RRP1B: variants seen among roughly 807,000 people sequenced by gnomAD.
RRP1B encodes ribosomal RNA processing protein 1 homolog B.
RRP1B carries 56 observed loss-of-function variants against 80.2 expected under a neutral mutation model. That is an observed-to-expected ratio of 0.70 (90% CI 0.56 to 0.87). RRP1B has a LOEUF of 0.87. Among genes scored for constraint, RRP1B ranks in the 40% least tolerant of loss-of-function variants. The pLI, the probability that RRP1B is intolerant of heterozygous loss-of-function variation, is 0.00. For missense variants in RRP1B, 807 were observed against 939.8 expected (o/e 0.86, Z 1.85); for synonymous variants, 351 against 357.6 (o/e 0.98, Z 0.21).
intron 5 of RRP1B, 84 bp downstream of exon 5, chr21:43,674,781 A>G (rs920109187): frequency 9.1e-5 from 113 of 1,243,362 alleles, no homozygotes; most frequent in Admixed American, 1.7e-4. Context: ...CTTGTAGAGT[A>G]CCAATGAGAA....
In RRP1B at chr21:43,691,382, AAG is replaced by A. The variant is rs2083085545; in HGVS notation, c.2020-56_2020-55del. ...GCAGGTTCTCCAGAAAAATCTGACTAAGCGCCTCCACTGCACTTGCGTCACTC... is the reference window on the plus strand; with the variant it reads ...GCAGGTTCTCCAGAAAAATCTGACTACGCCTCCACTGCACTTGCGTCACTC... On this transcript the variant is annotated intron_variant, in intron 14 of 15. Transcript: ENST00000340648. The surrounding 1 kb of genome is among the most constrained non-coding windows in gnomAD (Gnocchi z 4.2). 1 of 1,549,098 alleles carries A rather than the reference AAG, an allele frequency of 6.5e-7. No individual in the cohort carries two copies. Among genetic ancestry groups the A allele is most frequent in the Non-Finnish European group, 8.9e-7 (1 of 1,123,424 alleles).
rs573312530 is a variant in RRP1B, at chr21:43,691,163, G to A, written c.2020-276G>A. Reference sequence around the variant, plus strand: ...CTGCAGCGGTAATGAGGCAGTGACCGCAGATGGGCCAAGAGTGTGGGCACC... The same window carrying A: ...CTGCAGCGGTAATGAGGCAGTGACCACAGATGGGCCAAGAGTGTGGGCACC... On this transcript the variant is annotated intron_variant, in intron 14 of 15. Coordinates refer to ENST00000340648, the MANE Select transcript of RRP1B (RefSeq NM_015056.3). This position sits in a 1 kb window ranked among gnomAD's most constrained non-coding sequence, Gnocchi z 4.2. Among the ~76,000 whole-genome samples, 4 of 152,190 alleles carry A rather than the reference G, an allele frequency of 2.6e-5. No individual in the cohort carries two copies. Among genetic ancestry groups the A allele is most frequent in the East Asian group, 1.9e-4 (1 of 5,194 alleles).
intron 8 of RRP1B, among the ~76,000 whole-genome samples, chr21:43,679,225 T>TTTTTTTGC (rs1273316763): frequency 6.9e-6 from 1 of 145,080 alleles, no homozygotes; most frequent in African/African-American, 2.8e-5. Flanking sequence ...TGTTTTTTTG[T>TTTTTTTGC]GTGTCTTTTT....
intron 1 of RRP1B, among the ~76,000 whole-genome samples, chr21:43,662,529 A>C (rs2082961745): frequency 6.6e-6 from 1 of 152,252 alleles, no homozygotes; most frequent in Non-Finnish European, 1.5e-5. Context: ...TGTCTTAGGC[A>C]TCATAAAGGA....
At position 43,674,709 on chromosome 21, in the gene RRP1B, A is replaced by T. The variant is rs775463979; in HGVS notation, c.419+12A>T. ...GGCTGGGAAGAAAGGTCAGTAAACC[A>T]TTTGAGTTAGCATGTGGTAGCCTTA... On this transcript the variant is annotated intron_variant, in intron 5 of 15. Coordinates refer to ENST00000340648, the MANE Select transcript of RRP1B (RefSeq NM_015056.3). 61 of 1,601,612 alleles carry T rather than the reference A, an allele frequency of 3.8e-5. No individual in the cohort carries two copies. The highest frequency in any genetic ancestry group is 5.0e-5 in the Non-Finnish European group (59 of 1,175,110).
At chr21:43,686,485 A>G (rs1366113155) in intron 11 of RRP1B, 4 of 266,770 alleles carry the variant, frequency 1.5e-5, no homozygotes, top group African/African-American at 8.6e-5. Flanking sequence ...CATACCCGTC[A>G]TTCACTAGGG....
intron 8 of RRP1B, among the ~76,000 whole-genome samples, chr21:43,681,599 T>G (rs2147171376): frequency 1.3e-5 from 2 of 152,284 alleles, no homozygotes; most frequent in African/African-American, 4.8e-5. Context: ...CCTCCCAAAG[T>G]CTTGGAATTA....
At chr21:43,690,265 C>T in intron 13 of RRP1B, 23 bp from the exon 14 acceptor site, 1 of 1,613,166 alleles carries the variant, frequency 6.2e-7, no homozygotes, top group Non-Finnish European at 8.5e-7. Flanking sequence ...CCCTCCTCCG[C>T]TTCTCACCCC....
At chr21:43,689,207 G>A (rs1362621955) in intron 13 of RRP1B, among the ~76,000 whole-genome samples, 2 of 152,272 alleles carry the variant, frequency 1.3e-5, no homozygotes, top group Non-Finnish European at 2.9e-5. Context: ...TGCAGCGGCA[G>A]AGGGGAGTGG....
intron 1 of RRP1B, among the ~76,000 whole-genome samples, chr21:43,660,324 G>C (rs1395935101): frequency 6.6e-6 from 1 of 152,262 alleles, no homozygotes; most frequent in Non-Finnish European, 1.5e-5. Context: ...AGCACTCTGG[G>C]AAGCCGAGGC....
intron 13 of RRP1B, among the ~76,000 whole-genome samples, chr21:43,688,643 C>A (rs1201571202): frequency 1.3e-5 from 2 of 152,230 alleles, no homozygotes; most frequent in Non-Finnish European, 2.9e-5. Context: ...AATTCTCTTG[C>A]TTCACTCACC....
chr21:43,680,175 T>G (rs1004493827), intron 8 of RRP1B, among the ~76,000 whole-genome samples: 1 of 152,194 alleles, frequency 6.6e-6, no homozygotes, highest in Non-Finnish European at 1.5e-5. Context: ...TTGGATGCCG[T>G]TTATTTCTTT....
intron 1 of RRP1B, among the ~76,000 whole-genome samples, chr21:43,662,422 C>T (rs2082961325): frequency 6.6e-6 from 1 of 152,198 alleles, no homozygotes; most frequent in African/African-American, 2.4e-5. Flanking sequence ...ACAAGGTCTC[C>T]ACCACAGCTA....
At chr21:43,674,081 G>T (rs1601754690) in intron 4 of RRP1B, 126 bp downstream of exon 4, 1 of 683,216 alleles carries the variant, frequency 1.5e-6, no homozygotes, top group South Asian at 2.2e-5. Context: ...GGAAGAATTT[G>T]AATGTGTCCT....
In RRP1B at chr21:43,691,666, C is replaced by T. The variant is rs549631998; in HGVS notation, c.2083+164C>T. Among the ~76,000 whole-genome samples, 8 of 148,158 alleles carry T rather than the reference C, an allele frequency of 5.4e-5. No individual in the cohort carries two copies. Among genetic ancestry groups the T allele is most frequent in the African/African-American group, 1.7e-4 (7 of 40,060 alleles). ...TTTTTTTTTTTTTGAGACAGAGTCT[C>T]GCTGCTCTGTCACCCAGGCTGCAGT... On this transcript the variant is annotated intron_variant, in intron 15 of 15. Coordinates refer to ENST00000340648, the MANE Select transcript of RRP1B (RefSeq NM_015056.3). This position sits in a 1 kb window ranked among gnomAD's most constrained non-coding sequence, Gnocchi z 4.2.
rs1431907516 is a variant in RRP1B at position 43,687,618 on chromosome 21, G to A, written c.1244G>A (p.Gly415Asp). The A allele has an allele frequency of 1.3e-6, 2 of 1,532,608 alleles. No individual in the cohort carries two copies. The highest frequency in any genetic ancestry group is 2.8e-5 in the African/African-American group (2 of 72,030). The allele number at this position is 1,532,608 out of a possible 1,614,324, so 94.9% of individuals were successfully genotyped here. ...CACCACCTGCAGCCTGAAAATCCAG[G>A]CCCAGGGGGTGCAGCCCCATCCCTG... is the stretch of plus-strand genomic sequence containing the variant. ...KKHHLQPENP[G>D]PGGAAPSLEQ... is the part of the protein sequence containing the mutation. The change falls in exon 13 of 16, where the codon GGC becomes GAC. Residue 415 changes from glycine to aspartate, a missense_variant. Transcript: ENST00000340648.
intron 12 of RRP1B, 26 bp from the exon 13 acceptor site, chr21:43,687,490 T>C: frequency 6.8e-7 from 1 of 1,466,674 alleles, no homozygotes; most frequent in Non-Finnish European, 9.0e-7. Context: ...CACTGGGTGC[T>C]TGTTGATGGG....
chr21:43,665,742 C>T (rs958535925), intron 1 of RRP1B, among the ~76,000 whole-genome samples: 16 of 152,038 alleles, frequency 1.1e-4, no homozygotes, highest in Admixed American at 8.5e-4. Context: ...CTTCCTCCTC[C>T]CTTGCTATGT....
chr21:43,687,019 G>T (rs530975261), intron 12 of RRP1B, 84 bp downstream of exon 12: 2 of 1,448,002 alleles, frequency 1.4e-6, no homozygotes, highest in Non-Finnish European at 1.9e-6. Flanking sequence ...ACTTGAGCTC[G>T]TGCCGTCATA....
Sources: gnomAD v4.1 joint callset for allele counts (sites outside exome capture counted in the v4.1 genomes callset) on GRCh38, gnomAD v4.1.1 for gene constraint, Gnocchi (gnomAD v3.1) non-coding constraint, MANE v1.5 for transcripts, NCBI Gene and HGNC (gene_info 2026-07-23, HGNC 2026-07-21) for gene names.